Variants in CCDC33 observed in about 807,000 individuals in gnomAD.
CCDC33 encodes coiled-coil domain containing 33, also known as coiled-coil domain-containing protein 33.
CCDC33 carries 94 observed loss-of-function variants against 91.9 expected under a neutral mutation model. The observed-to-expected ratio is 1.02, with a 90% CI of 0.87 to 1.21. CCDC33 has a LOEUF of 1.21. Ranked by LOEUF, CCDC33 falls within the 50% of genes most tolerant of loss-of-function variation. The pLI, the probability that CCDC33 is intolerant of heterozygous loss-of-function variation, is 0.00. For missense variants in CCDC33, 940 were observed against 935.5 expected, an observed-to-expected ratio of 1.00 and a Z score of -0.06; for synonymous variants, 396 against 374.5, an observed-to-expected ratio of 1.06 and a Z score of -0.66.
chr15:74,208,743 G>C, intron 1 of CCDC33: 1 of 987,682 alleles, frequency 1.0e-6, no homozygotes, highest in Non-Finnish European at 1.2e-6. Context: ...GTGCCTTCTC[G>C]CTGTTCCCCG....
At chr15:74,204,372 G>A (rs545283229) in intron 1 of CCDC33, among the ~76,000 whole-genome samples, 61 of 152,316 alleles carry the variant, frequency 4.0e-4, no homozygotes, top group Admixed American at 8.5e-4. Flanking sequence ...TTGTTCTGGC[G>A]GCCAGTATTC....
At chr15:74,324,425 T>C (rs1161573157) in intron 11 of CCDC33, among the ~76,000 whole-genome samples, 1 of 152,030 alleles carries the variant, frequency 6.6e-6, no homozygotes, top group Admixed American at 6.5e-5. Context: ...TTGTGTCCCA[T>C]TCAGACCATC....
chr15:74,211,393 C>CTTTTTTTTTTTTT (rs34963230), intron 2 of CCDC33, among the ~76,000 whole-genome samples: 1 of 73,902 alleles, frequency 1.4e-5, no homozygotes, highest in Non-Finnish European at 2.5e-5. Context: ...CTGCCCCTGG[C>CTTTTTTTTTTTTT]TTTTTTTTTT....
At chr15:74,266,140 G>C (rs556583228) in intron 3 of CCDC33, among the ~76,000 whole-genome samples, 6 of 152,306 alleles carry the variant, frequency 3.9e-5, no homozygotes, top group Admixed American at 3.9e-4. Context: ...TCCCTTACTT[G>C]TAGTAGACTT....
chr15:74,318,460 A>G, intron 11 of CCDC33: 1 of 555,794 alleles, frequency 1.8e-6, no homozygotes, highest in Non-Finnish European at 3.2e-6. Flanking sequence ...CCACCCTGGA[A>G]CAAAGGGGAA....
At chr15:74,228,832 C>T (rs1256263739) in intron 2 of CCDC33, among the ~76,000 whole-genome samples, 1 of 152,238 alleles carries the variant, frequency 6.6e-6, no homozygotes, top group African/African-American at 2.4e-5. Context: ...CATTAATACG[C>T]TGCAAATGCG....
At position 74,272,837 on chromosome 15, in the gene CCDC33, C is replaced by T. The variant is rs771907415; in HGVS notation, c.705C>T (p.Ile235=). The change falls in exon 7 of 19, where the codon ATC becomes ATT. Residue 235 remains isoleucine, a synonymous_variant. Transcript: ENST00000398814. ...GLPITPLSFP[I]PSMMNFDVPR... ...CCATCACCCCACTGTCCTTCCCTAT[C>T]CCGTCCATGATGAACTTTGACGTGC... 1.2e-6 allele frequency: 2 copies of T among 1,614,274 alleles called. No individual in the cohort carries two copies. Among genetic ancestry groups the T allele is most frequent in the South Asian group, 2.2e-5 (2 of 91,090 alleles).
intron 1 of CCDC33, among the ~76,000 whole-genome samples, chr15:74,243,453 C>T (rs1360167958): frequency 6.6e-6 from 1 of 152,230 alleles, no homozygotes; most frequent in Non-Finnish European, 1.5e-5. Flanking sequence ...GTGAGGTGGC[C>T]TGTCTCATCC....
chr15:74,335,503 A>G (rs1293749238), intron 18 of CCDC33: 1 of 403,904 alleles, frequency 2.5e-6, no homozygotes, highest in Non-Finnish European at 4.5e-6. Context: ...TCAGATGGCC[A>G]CGATGTAGGC....
intron 8 of CCDC33, 27 bp downstream of exon 8, chr15:74,280,119 G>T: frequency 3.7e-6 from 6 of 1,613,040 alleles, no homozygotes; most frequent in Non-Finnish European, 5.1e-6. Flanking sequence ...GCCTCGCCAG[G>T]GCAGCCATGC....
chr15:74,224,330 A>C (rs757615407), intron 2 of CCDC33, among the ~76,000 whole-genome samples: 1 of 152,150 alleles, frequency 6.6e-6, no homozygotes, highest in African/African-American at 2.4e-5. Flanking sequence ...AACACTCTCC[A>C]TTCATGGGGT....
chr15:74,219,035 C>T (rs1324021345), intron 2 of CCDC33, among the ~76,000 whole-genome samples: 14 of 152,242 alleles, frequency 9.2e-5, no homozygotes, highest in Admixed American at 2.0e-4. Flanking sequence ...ACATGGGAGT[C>T]CCAGTTACAA....
intron 1 of CCDC33, among the ~76,000 whole-genome samples, chr15:74,241,237 G>A (rs1414521091): frequency 2.6e-5 from 4 of 152,194 alleles, no homozygotes; most frequent in East Asian, 1.9e-4. Flanking sequence ...AAGGAGAGGG[G>A]GGCCTCTCTG....
intron 2 of CCDC33, among the ~76,000 whole-genome samples, chr15:74,225,668 C>T (rs2074772191): frequency 6.6e-6 from 1 of 152,138 alleles, no homozygotes; most frequent in Non-Finnish European, 1.5e-5. Flanking sequence ...TGTACAACAA[C>T]CCCAAGTGCA....
intron 8 of CCDC33, 61 bp downstream of exon 8, chr15:74,280,153 G>A (rs1486940377): frequency 6.3e-7 from 1 of 1,596,338 alleles, no homozygotes; most frequent in Non-Finnish European, 8.5e-7. Flanking sequence ...TATTATGAAA[G>A]GGTGTTCAGA....
intron 18 of CCDC33, 132 bp from the exon 19 acceptor site, chr15:74,335,793 A>G: frequency 8.3e-6 from 6 of 721,914 alleles, no homozygotes; most frequent in African/African-American, 5.3e-5. Flanking sequence ...AAATGGGTTT[A>G]GAAATCTTTG....
At chr15:74,313,482 G>A (rs192306441) in intron 11 of CCDC33, among the ~76,000 whole-genome samples, 3 of 138,066 alleles carry the variant, frequency 2.2e-5, no homozygotes, top group African/African-American at 8.1e-5. Context: ...ACAGTGGCGC[G>A]ATCTCAGCTC....
intron 1 of CCDC33, among the ~76,000 whole-genome samples, chr15:74,205,125 G>T (rs541481522): frequency 6.6e-6 from 1 of 152,126 alleles, no homozygotes. Context: ...GAAGAGAGAC[G>T]GGAGTTGGCT....
At position 74,228,620 on chromosome 15, in the gene CCDC33, G is replaced by T. The variant is rs550909531; in HGVS notation, c.675+9759G>T. Reference sequence around the variant, plus strand: ...CCCCCACTCCTTACCCCACCCGGAAGCCTGGTCTTGAGTCACTATTGGGCC... The same window carrying T: ...CCCCCACTCCTTACCCCACCCGGAATCCTGGTCTTGAGTCACTATTGGGCC... On this transcript the variant is annotated intron_variant, in intron 2 of 2. Coordinates refer to the CCDC33 transcript ENST00000635913. Among the ~76,000 whole-genome samples, 8 of 152,358 alleles carry T rather than the reference G, an allele frequency of 5.3e-5. No homozygotes were observed. The South Asian group carries it at 1.7e-3, about 32-fold the overall frequency.
Sources: allele counts gnomAD v4.1 joint callset (sites outside exome capture counted in the v4.1 genomes callset), GRCh38; gene constraint gnomAD v4.1.1; transcripts MANE v1.5; gene names NCBI Gene and HGNC (gene_info 2026-07-23, HGNC 2026-07-21).